The following KAZN variants were observed in gnomAD, a reference collection of about 807,000 sequenced individuals.
The protein encoded by KAZN is kazrin.
Under a neutral mutation model 87.4 loss-of-function variants are expected in KAZN, and 40 were observed. That is an observed-to-expected ratio of 0.46 (90% CI 0.36 to 0.60). The LOEUF (loss-of-function observed/expected upper bound fraction) is 0.60. KAZN is among the 20% of genes least tolerant of loss of function. The pLI, the probability that KAZN is intolerant of heterozygous loss-of-function variation, is 0.00. For synonymous variants in KAZN, 466 were observed against 458.3 expected, an observed-to-expected ratio of 1.02 and a Z score of -0.22; for missense variants, 898 against 1,073.9, an observed-to-expected ratio of 0.84 and a Z score of 2.29.
intron 2 of KAZN, among the ~76,000 whole-genome samples, chr1:14,338,699 A>C (rs765366234): frequency 1.5e-4 from 23 of 152,192 alleles, no homozygotes; most frequent in Non-Finnish European, 3.2e-4. Context: ...AGAGGAGTCC[A>C]TTGTGTTCAA....
At chr1:13,916,549 G>T (rs144342059) in intron 1 of KAZN, among the ~76,000 whole-genome samples, 5 of 152,146 alleles carry the variant, frequency 3.3e-5, no homozygotes, top group Admixed American at 1.3e-4. Flanking sequence ...TGGCCAGGAC[G>T]GGGTCCCTGT....
At chr1:14,238,737 A>T (rs1648651569) in intron 2 of KAZN, among the ~76,000 whole-genome samples, 1 of 152,196 alleles carries the variant, frequency 6.6e-6, no homozygotes, top group African/African-American at 2.4e-5. Flanking sequence ...TGCAATCCTG[A>T]TGGGGAAAGG....
chr1:14,868,356 G>T (rs1160175754), intron 1 of KAZN, among the ~76,000 whole-genome samples: 1 of 152,238 alleles, frequency 6.6e-6, no homozygotes, highest in South Asian at 2.1e-4. Context: ...CAATTAGAGG[G>T]TACCAGGCTG....
At chr1:14,895,064 G>A (rs889301851) in intron 1 of KAZN, among the ~76,000 whole-genome samples, 3 of 152,386 alleles carry the variant, frequency 2.0e-5, no homozygotes, top group Admixed American at 1.3e-4. Context: ...TTTGGAAAGC[G>A]AGCCTTGTGG....
chr1:13,941,139 G>A (rs1640911960), intron 1 of KAZN, among the ~76,000 whole-genome samples: 1 of 152,056 alleles, frequency 6.6e-6, no homozygotes. Context: ...AGGTTGCAGT[G>A]AGCCAAGATC....
intron 1 of KAZN, among the ~76,000 whole-genome samples, chr1:14,759,041 C>T (rs80099281): frequency 0.03 from 4,588 of 152,224 alleles, 250 homozygotes; most frequent in African/African-American, 0.11. Context: ...ACCTAGGCTA[C>T]CCTGGACAAT....
intron 2 of KAZN, among the ~76,000 whole-genome samples, chr1:14,969,866 T>A (rs1320816644): frequency 6.6e-6 from 1 of 152,130 alleles, no homozygotes; most frequent in Non-Finnish European, 1.5e-5. Flanking sequence ...CAGGCTGGAG[T>A]GCAGTGGCAT....
chr1:14,775,605 G>A (rs1645152168), intron 1 of KAZN, among the ~76,000 whole-genome samples: 2 of 152,348 alleles, frequency 1.3e-5, no homozygotes, highest in East Asian at 1.9e-4. Context: ...TGGCTCCGAG[G>A]GGAATATGAG....
At chr1:14,162,029 A>T (rs1645721104) in intron 1 of KAZN, among the ~76,000 whole-genome samples, 1 of 152,234 alleles carries the variant, frequency 6.6e-6, no homozygotes, top group African/African-American at 2.4e-5. Flanking sequence ...GGACCATACA[A>T]GTTCTAAAAC....
chr1:13,989,316 C>T (rs1410171260), intron 1 of KAZN, among the ~76,000 whole-genome samples: 1 of 151,994 alleles, frequency 6.6e-6, no homozygotes, highest in Admixed American at 6.6e-5. Flanking sequence ...TTGGCACCTA[C>T]TATATAAAAA....
At chr1:14,700,746 C>T (rs1439010336) in intron 1 of KAZN, among the ~76,000 whole-genome samples, 1 of 152,088 alleles carries the variant, frequency 6.6e-6, no homozygotes, top group Non-Finnish European at 1.5e-5. Context: ...AAGACTCTGG[C>T]CAGGGTGGCT....
At chr1:14,327,827 G>T (rs1274155873) in intron 2 of KAZN, among the ~76,000 whole-genome samples, 1 of 152,118 alleles carries the variant, frequency 6.6e-6, no homozygotes, top group Non-Finnish European at 1.5e-5. Flanking sequence ...CTGAGGGAAA[G>T]GATCCCCTTT....
chr1:14,036,286 T>C (rs1249706933), intron 1 of KAZN, among the ~76,000 whole-genome samples: 1 of 152,114 alleles, frequency 6.6e-6, no homozygotes, highest in Non-Finnish European at 1.5e-5. Flanking sequence ...GGGTAAGACC[T>C]TTATTGGGAG....
intron 4 of KAZN, among the ~76,000 whole-genome samples, chr1:15,050,974 C>T (rs1674338520): frequency 1.3e-5 from 2 of 152,196 alleles, no homozygotes; most frequent in African/African-American, 2.4e-5. Flanking sequence ...AGCCGGCTTC[C>T]CCCCAAGGAG....
At chr1:14,101,445 A>G (rs1357339386) in intron 1 of KAZN, among the ~76,000 whole-genome samples, 1 of 152,242 alleles carries the variant, frequency 6.6e-6, no homozygotes, top group Non-Finnish European at 1.5e-5. Flanking sequence ...GCAATAAAGT[A>G]GTGAAGGAGG....
intron 2 of KAZN, among the ~76,000 whole-genome samples, chr1:14,531,675 T>G (rs1383350685): frequency 1.3e-5 from 2 of 152,192 alleles, no homozygotes; most frequent in African/African-American, 4.8e-5. Context: ...CTTCCCAAGC[T>G]TCTCAATTTT....
At chr1:14,703,146 C>T (rs1642022384) in intron 1 of KAZN, among the ~76,000 whole-genome samples, 1 of 152,174 alleles carries the variant, frequency 6.6e-6, no homozygotes, top group African/African-American at 2.4e-5. Context: ...TGAGAGTACT[C>T]CCTGAAAACT....
chr1:14,552,206 C>T (rs781371833), intron 2 of KAZN, among the ~76,000 whole-genome samples: 1 of 152,216 alleles, frequency 6.6e-6, no homozygotes, highest in Non-Finnish European at 1.5e-5. Flanking sequence ...CGGGCAGCAT[C>T]TCTCCCTTTG....
At chr1:14,004,503 G>T (rs1270555148) in intron 1 of KAZN, among the ~76,000 whole-genome samples, 4 of 152,130 alleles carry the variant, frequency 2.6e-5, no homozygotes, top group Non-Finnish European at 5.9e-5. Context: ...ACAGAAAAAT[G>T]AATAAATATA....
Sources: allele counts gnomAD v4.1 joint callset (sites outside exome capture counted in the v4.1 genomes callset), GRCh38; gene constraint gnomAD v4.1.1; transcripts MANE v1.5; gene names NCBI Gene and HGNC (gene_info 2026-07-23, HGNC 2026-07-21).